The following IPO11 variants were observed in gnomAD, a reference collection of about 807,000 sequenced individuals.
IPO11 encodes the protein importin-11.
In IPO11, 66 loss-of-function variants were observed where a neutral mutation model predicts 143.2. That is an observed-to-expected ratio of 0.46 (90% CI 0.38 to 0.57). IPO11 has a LOEUF of 0.57. IPO11 is among the 20% of genes least tolerant of loss of function. The probability of loss-of-function intolerance (pLI) is 0.00; values close to 1 mark genes in which losing one functional copy is unlikely to be tolerated. For synonymous variants in IPO11, 385 were observed against 377.8 expected, an observed-to-expected ratio of 1.02 and a Z score of -0.22; for missense variants, 1,026 against 1,141.0, an observed-to-expected ratio of 0.90 and a Z score of 1.45.
chr5:62,556,064 A>C (rs1743566308), intron 26 of IPO11, among the ~76,000 whole-genome samples: 1 of 152,242 alleles, frequency 6.6e-6, no homozygotes, highest in South Asian at 2.1e-4. Context: ...ATATTAAATC[A>C]GTTAAATGTA....
At chr5:62,458,036 A>G (rs1253603228) in intron 5 of IPO11, among the ~76,000 whole-genome samples, 2 of 150,908 alleles carry the variant, frequency 1.3e-5, no homozygotes, top group Non-Finnish European at 2.9e-5. Context: ...AGTCCCAGCT[A>G]CTCGGGAGGC....
chr5:62,580,407 G>A (rs945993912), intron 27 of IPO11: 14 of 1,550,898 alleles, frequency 9.0e-6, no homozygotes, highest in Non-Finnish European at 1.1e-5. Flanking sequence ...TTGAAAATAT[G>A]GGAGCATCTT....
chr5:62,494,533 C>T (rs911897389), intron 16 of IPO11, among the ~76,000 whole-genome samples: 1 of 151,758 alleles, frequency 6.6e-6, no homozygotes, highest in African/African-American at 2.4e-5. Flanking sequence ...TTATTGGGCT[C>T]TTTTAAGGAA....
intron 16 of IPO11, among the ~76,000 whole-genome samples, chr5:62,502,702 G>A (rs1488807230): frequency 6.6e-6 from 1 of 152,264 alleles, no homozygotes; most frequent in South Asian, 2.1e-4. Context: ...TTATGGCTCG[G>A]GGTTGAGTGC....
chr5:62,532,550 G>A (rs1036768580), intron 22 of IPO11, among the ~76,000 whole-genome samples: 1 of 151,966 alleles, frequency 6.6e-6, no homozygotes, highest in African/African-American at 2.4e-5. Flanking sequence ...TAGTGATGGG[G>A]TTTCACCATG....
chr5:62,583,185 C>T (rs1192005679), intron 27 of IPO11, among the ~76,000 whole-genome samples: 1 of 152,102 alleles, frequency 6.6e-6, no homozygotes, highest in East Asian at 1.9e-4. Flanking sequence ...GTTGTATCCT[C>T]CCAACTCCTA....
intron 12 of IPO11, 134 bp downstream of exon 12, chr5:62,485,596 T>C: frequency 1.4e-6 from 1 of 709,842 alleles, no homozygotes; most frequent in Non-Finnish European, 2.3e-6. Context: ...CCTAGCACTT[T>C]GGGAAGCCAA....
At chr5:62,553,391 G>A (rs190445) in intron 26 of IPO11, among the ~76,000 whole-genome samples, 13,690 of 151,052 alleles carry the variant, frequency 0.091, 675 homozygotes, top group East Asian at 0.14. Flanking sequence ...TTCATCTGTA[G>A]ATGGGTGCCT....
intron 16 of IPO11, among the ~76,000 whole-genome samples, chr5:62,496,090 C>T (rs1741139668): frequency 6.6e-6 from 1 of 152,056 alleles, no homozygotes; most frequent in Non-Finnish European, 1.5e-5. Flanking sequence ...GAGTTTGAGA[C>T]CAGCCTGGCC....
chr5:62,433,346 G>A (rs1158787850), intron 1 of IPO11, among the ~76,000 whole-genome samples: 3 of 152,118 alleles, frequency 2.0e-5, no homozygotes, highest in East Asian at 3.8e-4. Context: ...TAAAGATGCT[G>A]AGTTTTCTTT....
chr5:62,501,304 C>T (rs1034144346), intron 16 of IPO11, among the ~76,000 whole-genome samples: 7 of 152,022 alleles, frequency 4.6e-5, no homozygotes, highest in Non-Finnish European at 7.4e-5. Flanking sequence ...GTGTTTTGAA[C>T]GATCCCAGAA....
At chr5:62,518,900 C>T (rs1319339388) in intron 20 of IPO11, among the ~76,000 whole-genome samples, 1 of 152,132 alleles carries the variant, frequency 6.6e-6, no homozygotes, top group Non-Finnish European at 1.5e-5. Context: ...CACTGGGCTA[C>T]AGAATACAAA....
Position 62,453,661 on chromosome 5 carries a change from G to GT in IPO11, c.516+1732dup, listed in dbSNP as rs560522541. 3.7e-4 allele frequency among the ~76,000 whole-genome samples: 57 copies of GT among 152,128 alleles called. 1 individual carries two copies. In the East Asian group the frequency reaches 0.01, roughly 28 times the overall value. On this transcript the variant is annotated intron_variant, in intron 5 of 29. Transcript: ENST00000325324. ...GCTGTCTTCCATGTCAAAAACATTC[G>GT]TTTTCAATCTGTTATACACAGACTG...
chr5:62,546,078 C>G (rs1459696380), intron 24 of IPO11, among the ~76,000 whole-genome samples: 1 of 152,170 alleles, frequency 6.6e-6, no homozygotes, highest in Admixed American at 6.5e-5. Flanking sequence ...TACCATTTGG[C>G]CCAGCCGTCC....
At chr5:62,551,402 G>A in intron 26 of IPO11, 66 bp downstream of exon 26, 1 of 845,604 alleles carries the variant, frequency 1.2e-6, no homozygotes, top group Non-Finnish European at 1.9e-6. Context: ...ATAGTTTGAT[G>A]AAATAATGAG....
chr5:62,505,639 A>T (rs1004323837), intron 18 of IPO11, among the ~76,000 whole-genome samples: 4 of 152,112 alleles, frequency 2.6e-5, no homozygotes, highest in Non-Finnish European at 4.4e-5. Context: ...TGTAAGTGTG[A>T]TTTGTTAAGT....
intron 5 of IPO11, among the ~76,000 whole-genome samples, chr5:62,452,303 A>G (rs901779922): frequency 4.0e-5 from 6 of 151,292 alleles, no homozygotes; most frequent in East Asian, 3.8e-4. Context: ...AAAAATGACT[A>G]TAGTTTTACT....
chr5:62,598,511 TTTC>T lies in IPO11; in HGVS notation c.2679-3250_2679-3248del, dbSNP rs1561380838. ...CTCTCTCTCTTTCTTTCTTTCTTTC[TTTC>T]TTTCTTTCTTTCTTTTCTTTCTTTT... On this transcript the variant is annotated intron_variant, in intron 28 of 29. Coordinates refer to ENST00000325324, the MANE Select transcript of IPO11 (RefSeq NM_016338.5). Among the ~76,000 whole-genome samples the T allele has an allele frequency of 5.6e-3, 41 of 7,374 alleles. 5 individuals carry two copies. The highest frequency in any genetic ancestry group is 0.012 in the South Asian group (2 of 172). The allele number at this position is 7,374 out of a possible 152,430, so 4.8% of individuals were successfully genotyped here. A position where few individuals can be genotyped will look rare whatever the true frequency, so the allele number is the denominator to read the frequency against.
At chr5:62,509,585 A>G (rs977731844) in intron 19 of IPO11, among the ~76,000 whole-genome samples, 1 of 152,228 alleles carries the variant, frequency 6.6e-6, no homozygotes, top group African/African-American at 2.4e-5. Context: ...AACATTCTAT[A>G]GCAGAACCCT....
Sources: gnomAD v4.1 joint callset for allele counts (sites outside exome capture counted in the v4.1 genomes callset) on GRCh38, gnomAD v4.1.1 for gene constraint, MANE v1.5 for transcripts, NCBI Gene and HGNC (gene_info 2026-07-23, HGNC 2026-07-21) for gene names.